Variants in ARMC10 observed in about 807,000 individuals in gnomAD.
ARMC10 encodes the protein armadillo repeat containing 10, also known as armadillo repeat-containing protein 10.
ARMC10 carries 23 observed loss-of-function variants against 30.2 expected under a neutral mutation model. The ratio of observed to expected loss-of-function variants is 0.76; its 90% confidence interval spans 0.55 to 1.08. The LOEUF (loss-of-function observed/expected upper bound fraction) is 1.08, where lower values mean the gene tolerates loss of function less well. ARMC10 is among the 50% of genes least tolerant of loss of function. ARMC10 has a pLI of 0.00. For missense variants in ARMC10, 303 were observed against 413.7 expected (o/e 0.73, Z 2.32); for synonymous variants, 111 against 164.4 (o/e 0.68, Z 2.48).
chr7:103,084,345 G>GA (rs1290310447), intron 3 of ARMC10, among the ~76,000 whole-genome samples: 1 of 152,058 alleles, frequency 6.6e-6, no homozygotes, highest in Non-Finnish European at 1.5e-5. Flanking sequence ...CCTCCAGCAT[G>GA]AAAAAATAGT....
intron 2 of ARMC10, chr7:103,083,275 C>G: frequency 2.6e-6 from 1 of 389,610 alleles, no homozygotes; most frequent in Non-Finnish European, 5.0e-6. Flanking sequence ...ATGTAAAGTG[C>G]TTAATACTGT....
At chr7:103,090,279 T>C (rs914558159) in intron 4 of ARMC10, among the ~76,000 whole-genome samples, 8 of 152,236 alleles carry the variant, frequency 5.3e-5, no homozygotes, top group African/African-American at 1.9e-4. Flanking sequence ...TACAGAAGTA[T>C]ATGATTTATA....
At chr7:103,081,987 C>T (rs1384252177) in intron 2 of ARMC10, 2 of 451,464 alleles carry the variant, frequency 4.4e-6, no homozygotes, top group South Asian at 1.6e-5. Flanking sequence ...TTAGGCAGAT[C>T]CTTGAACAAT....
intron 4 of ARMC10, 146 bp from the exon 5 acceptor site, chr7:103,092,330 CA>C (rs772073727): frequency 0.066 from 15,122 of 230,558 alleles, 209 homozygotes; most frequent in African/African-American, 0.2. Context: ...GACTCCGTCT[CA>C]AAAAAAAAAA....
chr7:103,078,494 G>C (rs1000957763), intron 2 of ARMC10, among the ~76,000 whole-genome samples: 1 of 152,166 alleles, frequency 6.6e-6, no homozygotes, highest in South Asian at 2.1e-4. Context: ...CTTCCACCAT[G>C]ATTGTAAGTT....
At chr7:103,096,790 A>G (rs181813338) in intron 5 of ARMC10, 1 of 156,246 alleles carries the variant, frequency 6.4e-6, no homozygotes, top group East Asian at 1.8e-4. Flanking sequence ...CTTACCAGTA[A>G]TCATAATGAA....
chr7:103,095,697 A>G (rs1021949712), intron 5 of ARMC10: 1 of 152,162 alleles, frequency 6.6e-6, no homozygotes, highest in African/African-American at 2.4e-5. Flanking sequence ...ATGTCCAACA[A>G]TGATAGACTG....
intron 1 of ARMC10, 55 bp from the exon 2 acceptor site, chr7:103,075,722 G>T: frequency 2.2e-6 from 3 of 1,352,610 alleles, no homozygotes; most frequent in Non-Finnish European, 3.0e-6. Context: ...GGATTCTCCC[G>T]ATTGTGGAAG....
chr7:103,075,847 C>T lies in ARMC10; in HGVS notation c.210C>T (p.Thr70=). Residue 70 remains threonine, a synonymous_variant, in exon 2 of 7, where the codon ACC becomes ACT. Coordinates refer to ENST00000323716, the MANE Select transcript of ARMC10 (RefSeq NM_031905.5). ...CGGCCCGGCCTCAGACGGGAGGTACCTGGGAGTCACAGTGGTCCAAGACCT... is the reference window on the plus strand; with the variant it reads ...CGGCCCGGCCTCAGACGGGAGGTACTTGGGAGTCACAGTGGTCCAAGACCT... ...GRSARPQTGG[T]WESQWSKTSQ... 1.2e-6 allele frequency: 2 copies of T among 1,611,074 alleles called. No homozygotes were observed. Among genetic ancestry groups the T allele is most frequent in the East Asian group, 2.2e-5 (1 of 44,682 alleles).
intron 6 of ARMC10, among the ~76,000 whole-genome samples, chr7:103,097,708 A>G (rs1801868556): frequency 1.3e-5 from 2 of 152,210 alleles, no homozygotes; most frequent in South Asian, 4.1e-4. Flanking sequence ...CATATGCTAG[A>G]TGAGACACAC....
At chr7:103,094,028 AAATTGAGT>A (rs1801564929) in intron 5 of ARMC10, among the ~76,000 whole-genome samples, 1 of 152,214 alleles carries the variant, frequency 6.6e-6, no homozygotes, top group Non-Finnish European at 1.5e-5. Context: ...TTTTCCATAA[AAATTGAGT>A]TTAAAGTTCC....
chr7:103,093,479 A>AT (rs1206043123), intron 5 of ARMC10, among the ~76,000 whole-genome samples: 1 of 152,216 alleles, frequency 6.6e-6, no homozygotes, highest in Non-Finnish European at 1.5e-5. Flanking sequence ...GTGTTTGTAC[A>AT]TGGACTTTCC....
intron 4 of ARMC10, among the ~76,000 whole-genome samples, chr7:103,092,128 C>G (rs1472688309): frequency 6.6e-6 from 1 of 152,002 alleles, no homozygotes; most frequent in Admixed American, 6.6e-5. Flanking sequence ...GTCAGGAGAT[C>G]GAGACCATCG....
chr7:103,092,504 G>C lies in ARMC10; in HGVS notation c.556G>C (p.Val186Leu). The C allele has an allele frequency of 6.3e-7, 1 of 1,591,412 alleles. No individual in the cohort carries two copies. Among genetic ancestry groups the C allele is most frequent in the Non-Finnish European group, 8.6e-7 (1 of 1,161,632 alleles). The change falls in exon 5 of 7, where the codon GTC becomes CTC. Residue 186 changes from valine (V) to leucine (L), a missense_variant. By Grantham distance (32) the Val-to-Leu change is conservative (BLOSUM62 1). This residue lies in a region of ARMC10 where 170 missense variants were observed against 207.2 expected (regional missense o/e 0.82). Coordinates refer to ENST00000323716, the MANE Select transcript of ARMC10 (RefSeq NM_031905.5). Reference protein sequence around the residue: ...KIYISQVCEDVFSGPLNSAVQ... With the variant: ...KIYISQVCEDLFSGPLNSAVQ... The stretch of plus-strand genomic sequence containing the variant: ...ATACATCAGTCAAGTATGTGAGGAT[G>C]TCTTCTCTGGTCCTCTGAACTCTGC...
intron 5 of ARMC10, among the ~76,000 whole-genome samples, chr7:103,094,367 C>G (rs996125461): frequency 1.3e-5 from 2 of 152,178 alleles, no homozygotes; most frequent in Admixed American, 6.5e-5. Flanking sequence ...TGGTTTCAAA[C>G]CAAAATCCAT....
intron 2 of ARMC10, 116 bp from the exon 3 acceptor site, chr7:103,083,566 T>C: frequency 2.3e-6 from 2 of 852,614 alleles, no homozygotes; most frequent in Non-Finnish European, 3.6e-6. Context: ...ATCAAGGTTG[T>C]AGTGAGCCAT....
chr7:103,095,344 T>G (rs1801673671), intron 5 of ARMC10, among the ~76,000 whole-genome samples: 1 of 152,232 alleles, frequency 6.6e-6, no homozygotes, highest in Admixed American at 6.5e-5. Flanking sequence ...TCTGCCCACC[T>G]TGGCCTCCCA....
intron 2 of ARMC10, among the ~76,000 whole-genome samples, chr7:103,078,270 G>A (rs1481382341): frequency 6.6e-6 from 1 of 152,184 alleles, no homozygotes; most frequent in African/African-American, 2.4e-5. Context: ...ACTGTGCCCG[G>A]CCCAAATGTT....
intron 4 of ARMC10, among the ~76,000 whole-genome samples, chr7:103,091,350 C>T (rs920754929): frequency 6.6e-6 from 1 of 152,174 alleles, no homozygotes. Context: ...AAAGAAAGCT[C>T]ATGGCCAGAC....
Sources: gnomAD v4.1 joint callset for allele counts (sites outside exome capture counted in the v4.1 genomes callset) on GRCh38, gnomAD v4.1.1 for gene constraint, gnomAD v4.1.1 regional missense constraint, MANE v1.5 for transcripts, NCBI Gene and HGNC (gene_info 2026-07-23, HGNC 2026-07-21) for gene names.